SEPSECS: variants seen among roughly 807,000 people sequenced by gnomAD.
SEPSECS encodes the protein Sep (O-phosphoserine) tRNA:Sec (selenocysteine) tRNA synthase, also known as O-phosphoseryl-tRNA(Sec) selenium transferase.
SEPSECS carries 42 observed loss-of-function variants against 52.1 expected under a neutral mutation model. That is an observed-to-expected ratio of 0.81 (90% CI 0.63 to 1.04). SEPSECS has a LOEUF of 1.04. Ranked by LOEUF, SEPSECS falls within the 50% of genes least tolerant of loss-of-function variation. SEPSECS has a pLI of 0.00. For missense variants in SEPSECS, 590 were observed against 610.6 expected, an observed-to-expected ratio of 0.97 and a Z score of 0.36; for synonymous variants, 216 against 211.4, an observed-to-expected ratio of 1.02 and a Z score of -0.19.
At chr4:25,148,245 C>G (rs996677944) in intron 6 of SEPSECS, among the ~76,000 whole-genome samples, 2 of 149,346 alleles carry the variant, frequency 1.3e-5, no homozygotes, top group African/African-American at 4.9e-5. Flanking sequence ...CCCAGCTACT[C>G]GGGAGGCTGA....
chr4:25,153,418 G>C (rs1712427350), intron 5 of SEPSECS, among the ~76,000 whole-genome samples: 1 of 151,026 alleles, frequency 6.6e-6, no homozygotes, highest in Admixed American at 6.6e-5. Context: ...ACCTAAATCT[G>C]TTAATGGTTA....
intron 8 of SEPSECS, among the ~76,000 whole-genome samples, chr4:25,144,355 TA>T (rs925755017): frequency 6.8e-6 from 1 of 147,544 alleles, no homozygotes; most frequent in Non-Finnish European, 1.5e-5. Flanking sequence ...AAGATAGAGC[TA>T]ACTTCTGACC....
At chr4:25,135,782 G>T (rs186539456) in intron 8 of SEPSECS, among the ~76,000 whole-genome samples, 2 of 151,598 alleles carry the variant, frequency 1.3e-5, no homozygotes, top group African/African-American at 4.8e-5. Flanking sequence ...GATGAATATC[G>T]ACGCAAAAAT....
At position 25,158,915 on chromosome 4, in the gene SEPSECS, T is replaced by A. The variant is rs1339841558; in HGVS notation, c.269+38A>T. The A allele has an allele frequency of 2.5e-6, 4 of 1,594,472 alleles. No homozygotes were observed. In the Admixed American group the frequency reaches 6.7e-5, roughly 27 times the overall value. On this transcript the variant is annotated intron_variant, in intron 2 of 10. Transcript: ENST00000382103. ...GCCATTATTTTGAACCAAAAATAAA[T>A]AAACGATGTATCTCCTGTACTACTT...
intron 6 of SEPSECS, among the ~76,000 whole-genome samples, chr4:25,148,641 G>T (rs1410490549): frequency 6.6e-6 from 1 of 152,006 alleles, no homozygotes; most frequent in Non-Finnish European, 1.5e-5. Flanking sequence ...AAGTTCTAAC[G>T]TTCAATAGCA....
At chr4:25,141,759 G>A (rs1289169143) in intron 8 of SEPSECS, among the ~76,000 whole-genome samples, 1 of 152,084 alleles carries the variant, frequency 6.6e-6, no homozygotes, top group Non-Finnish European at 1.5e-5. Flanking sequence ...GGACCTTACT[G>A]TGGCCTAGAA....
At chr4:25,160,126 A>C in intron 1 of SEPSECS, 130 bp downstream of exon 1, 1 of 1,476,106 alleles carries the variant, frequency 6.8e-7, no homozygotes. Flanking sequence ...AGGGCAAGCC[A>C]AGCTGAGACA....
chr4:25,160,144 G>A (rs1441908990), intron 1 of SEPSECS, 112 bp downstream of exon 1: 4 of 1,515,942 alleles, frequency 2.6e-6, no homozygotes, highest in South Asian at 1.2e-5. Context: ...ACAGACTTGG[G>A]ACTAGTCTCA....
chr4:25,128,847 A>C (rs1235812566), intron 8 of SEPSECS, among the ~76,000 whole-genome samples: 1 of 152,144 alleles, frequency 6.6e-6, no homozygotes, highest in Non-Finnish European at 1.5e-5. Context: ...TCAAAGGCCA[A>C]GATACTCTCA....
chr4:25,145,144 T>C lies in SEPSECS; in HGVS notation c.805-11A>G, dbSNP rs1009056623. ...ACCAACTCGAGCCCCCTGGAATCAA[T>C]ATGATATTACATATTAGTTGCTAGG... On this transcript the variant is annotated splice_polypyrimidine_tract_variant and intron_variant, in intron 6 of 10. Coordinates refer to ENST00000382103, the MANE Select transcript of SEPSECS (RefSeq NM_016955.4). 2.5e-5 allele frequency: 41 copies of C among 1,613,534 alleles called. No individual in the cohort carries two copies. Among genetic ancestry groups the C allele is most frequent in the Non-Finnish European group, 3.3e-5 (39 of 1,179,768 alleles).
chr4:25,154,493 T>G (rs1000559648), intron 5 of SEPSECS, among the ~76,000 whole-genome samples: 2 of 152,220 alleles, frequency 1.3e-5, no homozygotes, highest in African/African-American at 4.8e-5. Flanking sequence ...CTTTTTGCTT[T>G]TATTTTCTTA....
intron 5 of SEPSECS, among the ~76,000 whole-genome samples, chr4:25,153,639 T>A (rs1292900805): frequency 6.6e-6 from 1 of 151,944 alleles, no homozygotes; most frequent in East Asian, 1.9e-4. Flanking sequence ...ACAAAATGTA[T>A]ACTGTATCCA....
rs1029077401 is a variant in SEPSECS at position 25,144,800 on chromosome 4, A to G, written c.1000T>C (p.Tyr334His). Residue 334 changes from tyrosine to histidine, a missense_variant, in exon 8 of 11, where the codon TAT becomes CAT. Tyr to His is a moderately conservative substitution (Grantham distance 83). Coordinates refer to ENST00000382103, the MANE Select transcript of SEPSECS (RefSeq NM_016955.4). The stretch of plus-strand genomic sequence containing the variant: ...TTTCTTTCTTTTAGTAGCTTCTTAT[A>G]GCCATTTGATCCAAGTGACAATAAA... Reference protein sequence around the residue: ...ITLLSLGSNGYKKLLKERKEM... With the variant: ...ITLLSLGSNGHKKLLKERKEM... The G allele has an allele frequency of 6.2e-7, 1 of 1,612,230 alleles. No homozygotes were observed.
intron 10 of SEPSECS, 37 bp downstream of exon 10, chr4:25,125,657 A>G (rs753525713): frequency 7.2e-6 from 10 of 1,383,164 alleles, no homozygotes; most frequent in Non-Finnish European, 1.0e-5. Context: ...AAGTTTGAAA[A>G]GACAAATAAA....
chr4:25,159,754 A>G (rs1712941068), intron 1 of SEPSECS: 1 of 1,026,840 alleles, frequency 9.7e-7, no homozygotes. Context: ...CCTGGGCGAA[A>G]GAGCGAGACT....
chr4:25,138,422 C>T lies in SEPSECS; in HGVS notation c.1026+6352G>A, dbSNP rs545178835. 5.6e-4 allele frequency among the ~76,000 whole-genome samples: 85 copies of T among 151,548 alleles called. 2 individuals are homozygous for T. The highest frequency in any genetic ancestry group is 5.3e-3 in the Admixed American group (81 of 15,240). ...ATGGCTTGAGTCCAGGAGTTCAAGA[C>T]CAGCCTAGGCAACATAGCAAGACCC... On this transcript the variant is annotated intron_variant, in intron 8 of 10. Transcript: ENST00000382103.
Position 25,160,398 on chromosome 4 carries a change from C to A in SEPSECS, c.-29G>T. 6.6e-7 allele frequency: 1 copy of A among 1,524,578 alleles called. No homozygotes were observed. Among genetic ancestry groups the A allele is most frequent in the Non-Finnish European group, 8.9e-7 (1 of 1,124,922 alleles). The allele number at this position is 1,524,578 out of a possible 1,614,324, so 94.4% of individuals were successfully genotyped here. A position where few individuals can be genotyped will look rare whatever the true frequency, so the allele number is the denominator to read the frequency against. On this transcript the variant is annotated 5_prime_UTR_variant, in exon 1 of 11. Coordinates refer to ENST00000382103, the MANE Select transcript of SEPSECS (RefSeq NM_016955.4). ...AGCGGTGGCGACAGTGGCGAATAAG[C>A]GGGAGCACTAGCTCCACACGCCAGA...
chr4:25,121,035 T>C lies in SEPSECS; in HGVS notation c.*2896A>G, dbSNP rs548971111. 6.6e-6 allele frequency: 1 copy of C among 152,280 alleles called. No homozygotes were observed. Among genetic ancestry groups the C allele is most frequent in the Admixed American group, 6.5e-5 (1 of 15,302 alleles). 9.4% of individuals were successfully genotyped at this position (152,280 alleles called of 1,614,324 possible). On this transcript the variant is annotated 3_prime_UTR_variant, in exon 11 of 11. Transcript: ENST00000382103. ...TAATATTAGAAAAATTTAATTTATA[T>C]TTAAATTTACCATTCTGTATATCAA...
intron 5 of SEPSECS, among the ~76,000 whole-genome samples, chr4:25,153,262 T>C (rs1401765140): frequency 6.6e-6 from 1 of 151,892 alleles, no homozygotes; most frequent in East Asian, 1.9e-4. Context: ...ATTTTCTTCA[T>C]AAAATAAAAG....
Sources: gnomAD v4.1 joint callset for allele counts (sites outside exome capture counted in the v4.1 genomes callset) on GRCh38, gnomAD v4.1.1 for gene constraint, MANE v1.5 for transcripts, NCBI Gene and HGNC (gene_info 2026-07-23, HGNC 2026-07-21) for gene names.